DPP10: variants seen among roughly 807,000 people sequenced by gnomAD.
DPP10 encodes the protein dipeptidyl peptidase like 10.
A neutral mutation model predicts 120.9 loss-of-function variants in DPP10; 33 were observed. The observed-to-expected ratio is 0.27, with a 90% CI of 0.21 to 0.37. DPP10 has a LOEUF of 0.37. Among genes scored for constraint, DPP10 ranks in the 10% least tolerant of loss-of-function variants. The pLI is 1.00. For synonymous variants in DPP10, 337 were observed against 326.1 expected (o/e 1.03, Z -0.36); for missense variants, 816 against 942.8 (o/e 0.87, Z 1.76).
chr2:115,474,939 G>T (rs934530744), intron 3 of DPP10, among the ~76,000 whole-genome samples: 5 of 152,184 alleles, frequency 3.3e-5, no homozygotes, highest in Admixed American at 1.3e-4. Flanking sequence ...GGGCCCCACT[G>T]CCCTGTTCAG....
At chr2:114,811,890 C>T (rs1685204143) in intron 1 of DPP10, among the ~76,000 whole-genome samples, 1 of 152,138 alleles carries the variant, frequency 6.6e-6, no homozygotes. Flanking sequence ...TTGCCTAGGG[C>T]CAGGTTTTCA....
chr2:114,999,993 T>C lies in DPP10; in HGVS notation c.61-309246T>C, dbSNP rs934102297. ...TACACATGCATGTGTATAAACCCAT[T>C]GTTATGTTAATTCAACCAATTAGTT... On this transcript the variant is annotated intron_variant, in intron 1 of 25. Coordinates refer to ENST00000410059, the MANE Select transcript of DPP10 (RefSeq NM_020868.6). 4.1e-5 allele frequency among the ~76,000 whole-genome samples: 6 copies of C among 145,050 alleles called. No individual in the cohort carries two copies. In the East Asian group the frequency reaches 1.2e-3, roughly 30 times the overall value.
chr2:114,456,275 T>A (rs1678582483), intron 1 of DPP10, among the ~76,000 whole-genome samples: 1 of 152,122 alleles, frequency 6.6e-6, no homozygotes, highest in Non-Finnish European at 1.5e-5. Flanking sequence ...ATAAACTAAT[T>A]TCAAAGGATA....
At chr2:115,331,075 A>G (rs1192139965) in intron 2 of DPP10, among the ~76,000 whole-genome samples, 2 of 152,020 alleles carry the variant, frequency 1.3e-5, no homozygotes, top group African/African-American at 2.4e-5. Context: ...ACGTTCTTCC[A>G]TTTTTTTGTG....
intron 1 of DPP10, among the ~76,000 whole-genome samples, chr2:115,033,698 T>C (rs978843953): frequency 1.3e-3 from 2 of 1,538 alleles, no homozygotes; most frequent in African/African-American, 1.5e-3. Flanking sequence ...TCTTCCCTCC[T>C]TTTTTTTTTT....
At chr2:114,585,371 C>G (rs951241709) in intron 1 of DPP10, among the ~76,000 whole-genome samples, 1 of 152,208 alleles carries the variant, frequency 6.6e-6, no homozygotes, top group Non-Finnish European at 1.5e-5. Context: ...CTTTGATTGA[C>G]TTATCTGTGA....
chr2:115,148,780 T>C (rs564317217), intron 1 of DPP10, among the ~76,000 whole-genome samples: 1 of 152,284 alleles, frequency 6.6e-6, no homozygotes, highest in South Asian at 2.1e-4. Flanking sequence ...GCTACGCATG[T>C]CAAAGAATGA....
chr2:114,442,966 G>A (rs1677740469), intron 1 of DPP10, 128 bp downstream of exon 1: 2 of 1,176,004 alleles, frequency 1.7e-6, no homozygotes, highest in Non-Finnish European at 2.4e-6. Flanking sequence ...ATTGAAGGTT[G>A]AGTCACAATA....
intron 1 of DPP10, among the ~76,000 whole-genome samples, chr2:114,919,265 G>GA (rs776281366): frequency 2.0e-5 from 3 of 151,824 alleles, no homozygotes; most frequent in Admixed American, 6.6e-5. Flanking sequence ...TCTCTGGCTA[G>GA]AAAAAAAATC....
rs150266234 is a variant in DPP10 at position 115,343,869 on chromosome 2, G to A, written c.228G>A (p.Arg76=). 1.2e-4 allele frequency: 188 copies of A among 1,611,432 alleles called. No homozygotes were observed. The Middle Eastern group carries it at 2.3e-3, about 20-fold the overall frequency. The change falls in exon 3 of 26, where the codon AGG becomes AGA. Residue 76 remains arginine (R), a synonymous_variant. Coordinates refer to ENST00000410059, the MANE Select transcript of DPP10 (RefSeq NM_020868.6). ...GATTGTCTTTGGAAGACCTCTTTAGGAAAGACTTTGTGCTTCACGATCCAG... is the reference window on the plus strand; with the variant it reads ...GATTGTCTTTGGAAGACCTCTTTAGAAAAGACTTTGTGCTTCACGATCCAG... ...ETRLSLEDLF[R]KDFVLHDPEA...
At chr2:114,489,174 A>G (rs943045046) in intron 1 of DPP10, among the ~76,000 whole-genome samples, 5 of 152,334 alleles carry the variant, frequency 3.3e-5, no homozygotes, top group African/African-American at 4.8e-5. Flanking sequence ...TTATGTATTT[A>G]TAATATTCCT....
intron 4 of DPP10, among the ~76,000 whole-genome samples, chr2:115,506,762 A>G (rs528674428): frequency 2.6e-5 from 4 of 152,274 alleles, no homozygotes; most frequent in South Asian, 2.1e-4. Context: ...CTATCAATCA[A>G]TCAACCAGTC....
At chr2:115,118,765 G>C (rs2049664896) in intron 1 of DPP10, among the ~76,000 whole-genome samples, 1 of 150,826 alleles carries the variant, frequency 6.6e-6, no homozygotes, top group South Asian at 2.1e-4. Context: ...GTGTGTGTGT[G>C]TGTGTGTGTG....
chr2:115,336,242 G>A (rs1478468912), intron 2 of DPP10, among the ~76,000 whole-genome samples: 1 of 151,860 alleles, frequency 6.6e-6, no homozygotes, highest in Non-Finnish European at 1.5e-5. Flanking sequence ...AATACCCATA[G>A]CAGTCTATGA....
At chr2:114,531,018 T>C (rs1000135977) in intron 1 of DPP10, among the ~76,000 whole-genome samples, 3 of 152,180 alleles carry the variant, frequency 2.0e-5, no homozygotes, top group South Asian at 2.1e-4. Flanking sequence ...CTTCAATCAA[T>C]AATTTTGGAA....
chr2:115,251,775 A>G lies in DPP10; in HGVS notation c.61-57464A>G, dbSNP rs915350329. ...GGCAGTGAGGAGTCATAAATATGAT[A>G]GAAAATGTTCTTACCTTCAGAGTGG... On this transcript the variant is annotated intron_variant, in intron 1 of 25. Transcript: ENST00000410059. Among the ~76,000 whole-genome samples the G allele has an allele frequency of 4.6e-5, 7 of 152,354 alleles. 1 individual carries two copies. The East Asian group carries it at 7.7e-4, about 17-fold the overall frequency.
intron 1 of DPP10, among the ~76,000 whole-genome samples, chr2:114,476,056 G>C (rs771296083): frequency 1.3e-5 from 2 of 152,218 alleles, no homozygotes; most frequent in African/African-American, 2.4e-5. Flanking sequence ...TTGGGTGGAA[G>C]TAGTTTTCAG....
chr2:114,683,484 T>C (rs1368022002), intron 1 of DPP10, among the ~76,000 whole-genome samples: 1 of 150,342 alleles, frequency 6.7e-6, no homozygotes, highest in Non-Finnish European at 1.5e-5. Flanking sequence ...CAACCTCCTT[T>C]CCTTCCCTTC....
At chr2:114,508,004 T>C (rs1683820255) in intron 1 of DPP10, among the ~76,000 whole-genome samples, 1 of 152,192 alleles carries the variant, frequency 6.6e-6, no homozygotes, top group Non-Finnish European at 1.5e-5. Context: ...TTTTTCCTTC[T>C]TTGCTTCCAT....
Sources: gnomAD v4.1 joint callset for allele counts (sites outside exome capture counted in the v4.1 genomes callset) on GRCh38, gnomAD v4.1.1 for gene constraint, MANE v1.5 for transcripts, NCBI Gene and HGNC (gene_info 2026-07-23, HGNC 2026-07-21) for gene names.